The following KMT2D variants were observed in gnomAD, a reference collection of about 807,000 sequenced individuals.
The protein encoded by KMT2D is lysine methyltransferase 2D.
In KMT2D, 55 loss-of-function variants were observed where a neutral mutation model predicts 512.7. The ratio of observed to expected loss-of-function variants is 0.11; its 90% CI spans 0.09 to 0.13. The LOEUF is 0.13. Among genes scored for constraint, KMT2D ranks in the 10% least tolerant of loss-of-function variants. KMT2D has a pLI of 1.00. For missense variants in KMT2D, 6,061 were observed against 7,127.9 expected, an observed-to-expected ratio of 0.85 and a Z score of 5.39; for synonymous variants, 2,995 against 2,904.0, an observed-to-expected ratio of 1.03 and a Z score of -1.01.
rs1176093817 is a variant in KMT2D, at chr12:49,039,880, A to G, written c.7890T>C (p.His2630=). ...APDGSLPYLS[H]GASQRSGITS... Reference sequence around the variant, plus strand: ...TGATGCCTGATCGCTGTGAGGCTCCATGGGACAGGTAGGGGAGGGATCCGT... The same window carrying G: ...TGATGCCTGATCGCTGTGAGGCTCCGTGGGACAGGTAGGGGAGGGATCCGT... Residue 2630 remains histidine (H), a synonymous_variant, in exon 32 of 55, where the codon CAT becomes CAC. Coordinates refer to ENST00000301067, the MANE Select transcript of KMT2D (RefSeq NM_003482.4). The surrounding 1 kb of genome is among the most constrained non-coding windows in gnomAD (Gnocchi z 5.0). 6.2e-7 allele frequency: 1 copy of G among 1,614,026 alleles called. No homozygotes were observed. The highest frequency in any genetic ancestry group is 2.2e-5 in the East Asian group (1 of 44,876).
rs759550213 is a variant in KMT2D, at chr12:49,038,444, G to A, written c.8912C>T (p.Thr2971Ile). 1 of 1,610,996 alleles carries A rather than the reference G, an allele frequency of 6.2e-7. No homozygotes were observed. Among genetic ancestry groups the A allele is most frequent in the Non-Finnish European group, 8.5e-7 (1 of 1,177,726 alleles). Reference sequence around the variant, plus strand: ...CAGAGGATTGGGGCGGCCAAGCTCAGTGCTCGACGGGGGCCGGTTGACCAG... The same window carrying A: ...CAGAGGATTGGGGCGGCCAAGCTCAATGCTCGACGGGGGCCGGTTGACCAG... ...LELVNRPPSS[T>I]ELGRPNPLAL... Residue 2971 changes from threonine to isoleucine, a missense_variant, in exon 35 of 55, where the codon ACT becomes ATT. Physicochemically the swap from Thr to Ile is moderately conservative, Grantham distance 89 (BLOSUM62 -1). Around this residue, in one of 16 missense-constraint regions of KMT2D, gnomAD observed 527 missense variants for 578.9 expected, o/e 0.91. Coordinates refer to ENST00000301067, the MANE Select transcript of KMT2D (RefSeq NM_003482.4). This position sits in a 1 kb window ranked among gnomAD's most constrained non-coding sequence, Gnocchi z 5.7.
rs746758232 is a variant in KMT2D at position 49,052,893 on chromosome 12, TCA to T, written c.1112+20_1112+21del. On this transcript the variant is annotated intron_variant, in intron 9 of 54. Transcript: ENST00000301067. ...GTTCTTCCAACCTGCCAGCCCAATC[TCA>T]GTCAGTCCCCACCACTTACCTGCTA... 1.4e-4 allele frequency: 224 copies of T among 1,612,192 alleles called. No homozygotes were observed. The highest frequency in any genetic ancestry group is 1.8e-4 in the Non-Finnish European group (212 of 1,178,458).
rs945302140 is a variant in KMT2D, at chr12:49,044,459, G to A, written c.5027C>T (p.Pro1676Leu). ...LEGPVSPDVEPGKEETEESKK... is the reference protein window; with the variant it reads ...LEGPVSPDVELGKEETEESKK... ...GCTTTCCTCGGTCTCCTCTTTGCCAGGCTCCACATCAGGGCTGACGGGGCC... is the reference window on the plus strand; with the variant it reads ...GCTTTCCTCGGTCTCCTCTTTGCCAAGCTCCACATCAGGGCTGACGGGGCC... Residue 1676 changes from proline to leucine, a missense_variant, in exon 21 of 55, where the codon CCT becomes CTT. This residue lies in a region of KMT2D where 640 missense variants were observed against 814.3 expected (regional missense o/e 0.79). Transcript: ENST00000301067. This position sits in a 1 kb window ranked among gnomAD's most constrained non-coding sequence, Gnocchi z 6.4. The A allele has an allele frequency of 6.2e-7, 1 of 1,613,960 alleles. No homozygotes were observed. The highest frequency in any genetic ancestry group is 8.5e-7 in the Non-Finnish European group (1 of 1,179,900).
chr12:49,034,875 G>C lies in KMT2D; in HGVS notation c.10292C>G (p.Ala3431Gly). The C allele has an allele frequency of 6.2e-7, 1 of 1,614,024 alleles. No homozygotes were observed. Among genetic ancestry groups the C allele is most frequent in the Non-Finnish European group, 8.5e-7 (1 of 1,179,910 alleles). Residue 3431 changes from alanine (A) to glycine (G), a missense_variant, in exon 36 of 55, where the codon GCT becomes GGT. This residue lies in a region of KMT2D where 533 missense variants were observed against 539.6 expected (regional missense o/e 0.99). Coordinates refer to ENST00000301067, the MANE Select transcript of KMT2D (RefSeq NM_003482.4). ...IDPIAKAKMV[A>G]LKGIKKVMAQ... ...CATCACTTTCTTGATGCCTTTCAAA[G>C]CCACCATCTTGGCCTTTGCAATGGG...
rs887518261 is a variant in KMT2D at position 49,052,245 on chromosome 12, G to C, written c.1438C>G (p.Pro480Ala). Residue 480 changes from proline (P) to alanine (A), a missense_variant, in exon 11 of 55, where the codon CCT becomes GCT. Coordinates refer to ENST00000301067, the MANE Select transcript of KMT2D (RefSeq NM_003482.4). ...GGCCGGGACAGGTGCAATGCCTCAGGAAGTGGGGATGCGGGCAATTCCTCA... is the reference window on the plus strand; with the variant it reads ...GGCCGGGACAGGTGCAATGCCTCAGCAAGTGGGGATGCGGGCAATTCCTCA... ...PPEELPASPL[P>A]EALHLSRPLE... 2.5e-6 allele frequency: 4 copies of C among 1,612,092 alleles called. No homozygotes were observed. The African/African-American group carries it at 4.0e-5, about 16-fold the overall frequency.
rs1186385716 is a variant in KMT2D at position 49,044,836 on chromosome 12, G to A, written c.4871C>T (p.Ala1624Val). The change falls in exon 20 of 55, where the codon GCA becomes GTA. Residue 1624 changes from alanine (A) to valine (V), a missense_variant. Transcript: ENST00000301067. This position sits in a 1 kb window ranked among gnomAD's most constrained non-coding sequence, Gnocchi z 6.4. ...TGAGGGCTCAGAACCCTCCAATCCT[G>A]CCTCGCCTGGGAGGCCAAGCCGTCC... ...RRGRLGLPGE[A>V]GLEGSEPSDA... 6.2e-7 allele frequency: 1 copy of A among 1,614,058 alleles called. No individual in the cohort carries two copies. The highest frequency in any genetic ancestry group is 8.5e-7 in the Non-Finnish European group (1 of 1,179,910).
rs765227366 is a variant in KMT2D at position 49,038,010 on chromosome 12, G to C, written c.9346C>G (p.Pro3116Ala). 1 of 1,606,772 alleles carries C rather than the reference G, an allele frequency of 6.2e-7. No individual in the cohort carries two copies. Among genetic ancestry groups the C allele is most frequent in the Non-Finnish European group, 8.5e-7 (1 of 1,176,840 alleles). The change falls in exon 35 of 55, where the codon CCT (proline) becomes GCT (alanine). Residue 3116 changes from proline to alanine, a missense_variant. Coordinates refer to ENST00000301067, the MANE Select transcript of KMT2D (RefSeq NM_003482.4). This position sits in a 1 kb window ranked among gnomAD's most constrained non-coding sequence, Gnocchi z 5.7. ...TCCTCCACCTTGGGCTTCACCTCAG[G>C]GAGCACAGATGCCAGGCGGGGTTCA... Reference protein sequence around the residue: ...ASEPRLASVLPEVKPKVEEGG... With the variant: ...ASEPRLASVLAEVKPKVEEGG...
intron 1 of KMT2D, among the ~76,000 whole-genome samples, chr12:49,056,344 G>A (rs956773993): frequency 1.1e-4 from 16 of 152,108 alleles, no homozygotes; most frequent in African/African-American, 1.9e-4. Context: ...TAAGAAATGC[G>A]TGCCTGTATC....
At position 49,038,828 on chromosome 12, in the gene KMT2D, G is replaced by T. The variant is rs1278507670; in HGVS notation, c.8528C>A (p.Pro2843His). The T allele has an allele frequency of 6.4e-7, 1 of 1,560,518 alleles. No homozygotes were observed. Among genetic ancestry groups the T allele is most frequent in the Non-Finnish European group, 8.7e-7 (1 of 1,151,924 alleles). ...MSARFPSTPG[P>H]ELGRQALGSP... ...ACCTAGGGCTTGGCGGCCAAGTTCA[G>T]GTCCAGGAGTTGATGGAAAGCGAGC... The change falls in exon 35 of 55, where the codon CCT becomes CAT. Residue 2843 changes from proline (P) to histidine (H), a missense_variant. Pro to His is a moderately conservative substitution (Grantham distance 77, BLOSUM62 -2). This residue lies in a region of KMT2D where 527 missense variants were observed against 578.9 expected (regional missense o/e 0.91). Coordinates refer to ENST00000301067, the MANE Select transcript of KMT2D (RefSeq NM_003482.4). The surrounding 1 kb of genome is among the most constrained non-coding windows in gnomAD (Gnocchi z 5.7).
chr12:49,059,306 C>T (rs923851145), intron 1 of KMT2D, among the ~76,000 whole-genome samples: 4 of 152,048 alleles, frequency 2.6e-5, no homozygotes, highest in African/African-American at 9.7e-5. Context: ...CATCAGGGCC[C>T]GGGTCCTAGT....
rs2120520740 is a variant in KMT2D, at chr12:49,039,997, G to T, written c.7773C>A (p.Gly2591=). 6.2e-7 allele frequency: 1 copy of T among 1,613,740 alleles called. No homozygotes were observed. The highest frequency in any genetic ancestry group is 1.3e-5 in the African/African-American group (1 of 75,064). The change falls in exon 32 of 55, where the codon GGC becomes GGA. Residue 2591 remains glycine (G), a synonymous_variant. Coordinates refer to ENST00000301067, the MANE Select transcript of KMT2D (RefSeq NM_003482.4). This position sits in a 1 kb window ranked among gnomAD's most constrained non-coding sequence, Gnocchi z 5.0. ...TVATGNFHPS[G]SPLGPSSGST... ...ACCCGCTGCTGGGCCCCAGGGGGCT[G>T]CCCGATGGGTGGAAGTTCCCTGTGG...
chr12:49,034,752 C>G (rs1943133916), intron 36 of KMT2D, 60 bp downstream of exon 36: 1 of 1,606,578 alleles, frequency 6.2e-7, no homozygotes, highest in South Asian at 1.1e-5. Flanking sequence ...GGGAGGGGAG[C>G]CAAGAAGGGG....
rs778246431 is a variant in KMT2D at position 49,030,422 on chromosome 12, C to T, written c.13857G>A (p.Pro4619=). 7 of 1,454,544 alleles carry T rather than the reference C, an allele frequency of 4.8e-6. No homozygotes were observed. Among genetic ancestry groups the T allele is most frequent in the Admixed American group, 2.2e-5 (1 of 45,608 alleles). The allele number at this position is 1,454,544 out of a possible 1,614,324, so 90.1% of individuals were successfully genotyped here. The change falls in exon 43 of 55, where the codon CCG becomes CCA. Residue 4619 remains proline (P), a synonymous_variant. Transcript: ENST00000301067. ...QLLTKNNLSN[P]PTPPSSLPPT... Reference sequence around the variant, plus strand: ...GGGGCAGCGACGAGGGTGGTGTCGGCGGGTTACTCAGGTTATTCTGAGGGG... The same window carrying T: ...GGGGCAGCGACGAGGGTGGTGTCGGTGGGTTACTCAGGTTATTCTGAGGGG...
Position 49,046,131 on chromosome 12 carries a change from C to A in KMT2D, c.4627G>T (p.Val1543Leu), listed in dbSNP as rs2120601105. 1 of 1,610,940 alleles carries A rather than the reference C, an allele frequency of 6.2e-7. No individual in the cohort carries two copies. Among genetic ancestry groups the A allele is most frequent in the Non-Finnish European group, 8.5e-7 (1 of 1,178,528 alleles). The change falls in exon 18 of 55, where the codon GTG (valine) becomes TTG (leucine). Residue 1543 changes from valine to leucine, a missense_variant. Physicochemically the swap from Val to Leu is conservative, Grantham distance 32. Coordinates refer to ENST00000301067, the MANE Select transcript of KMT2D (RefSeq NM_003482.4). This position sits in a 1 kb window ranked among gnomAD's most constrained non-coding sequence, Gnocchi z 4.2. ...GCESLFTEDD[V>L]EQAADEGFDC... ...AAGCCTTCATCGGCTGCCTGCTCCA[C>A]ATCGTCCTCTGTGAAGAGGCTCTCA... is the stretch of plus-strand genomic sequence containing the variant.
rs1052020049 is a variant in KMT2D, at chr12:49,024,500, T to C, written c.16052+78A>G. 4.0e-6 allele frequency: 6 copies of C among 1,516,564 alleles called. No homozygotes were observed. The African/African-American group carries it at 8.4e-5, about 21-fold the overall frequency. The allele number at this position is 1,516,564 out of a possible 1,614,324, so 93.9% of individuals were successfully genotyped here. A position where few individuals can be genotyped will look rare whatever the true frequency, so the allele number is the denominator to read the frequency against. On this transcript the variant is annotated intron_variant, in intron 51 of 54. Coordinates refer to ENST00000301067, the MANE Select transcript of KMT2D (RefSeq NM_003482.4). The surrounding 1 kb of genome is among the most constrained non-coding windows in gnomAD (Gnocchi z 4.5). Reference sequence around the variant, plus strand: ...TCCACGGGAACTCTGATCTGTATCCTAAATCCTCATAATGGGACCAGAGGA... The same window carrying C: ...TCCACGGGAACTCTGATCTGTATCCCAAATCCTCATAATGGGACCAGAGGA...
At position 49,052,903 on chromosome 12, in the gene KMT2D, C is replaced by G; in HGVS notation, c.1112+12G>C. 1 of 1,613,732 alleles carries G rather than the reference C, an allele frequency of 6.2e-7. No homozygotes were observed. Among genetic ancestry groups the G allele is most frequent in the Non-Finnish European group, 8.5e-7 (1 of 1,179,704 alleles). ...CCTGCCAGCCCAATCTCAGTCAGTC[C>G]CCACCACTTACCTGCTACACACCGG... On this transcript the variant is annotated intron_variant, in intron 9 of 54. Coordinates refer to ENST00000301067, the MANE Select transcript of KMT2D (RefSeq NM_003482.4).
chr12:49,040,666 G>A lies in KMT2D; in HGVS notation c.7104C>T (p.Ile2368=), dbSNP rs2120532327. 6.2e-7 allele frequency: 1 copy of A among 1,613,836 alleles called. No individual in the cohort carries two copies. Among genetic ancestry groups the A allele is most frequent in the East Asian group, 2.2e-5 (1 of 44,862 alleles). ...LAPSPPSHPD[I]FRPGSYTDPY... is the part of the protein sequence containing the mutation. Reference sequence around the variant, plus strand: ...GGTCAGTGTAGGAGCCAGGGCGAAAGATGTCTGGGTGACTTGGAGGAGAAG... The same window carrying A: ...GGTCAGTGTAGGAGCCAGGGCGAAAAATGTCTGGGTGACTTGGAGGAGAAG... The change falls in exon 32 of 55, where the codon ATC becomes ATT. Residue 2368 remains isoleucine, a synonymous_variant. Coordinates refer to ENST00000301067, the MANE Select transcript of KMT2D (RefSeq NM_003482.4).
In KMT2D at chr12:49,040,247, G is replaced by A. The variant is rs2120525057; in HGVS notation, c.7523C>T (p.Ala2508Val). ...GGGGGGCTGCCCACTTGGGACCTTG[G>A]CATGGAGCTCACCTGCTGGCCCCGC... ...LPAGPAGELH[A>V]KVPSGQPPNF... The change falls in exon 32 of 55, where the codon GCC becomes GTC. Residue 2508 changes from alanine (A) to valine (V), a missense_variant. Around this residue, in one of 16 missense-constraint regions of KMT2D, gnomAD observed 710 missense variants for 647.3 expected, o/e 1.10. Transcript: ENST00000301067. 6.2e-7 allele frequency: 1 copy of A among 1,612,820 alleles called. No individual in the cohort carries two copies. The highest frequency in any genetic ancestry group is 8.5e-7 in the Non-Finnish European group (1 of 1,179,448).
In KMT2D at chr12:49,029,482, G is replaced by A. The variant is rs1231938161; in HGVS notation, c.14000-6C>T. On this transcript the variant is annotated splice_region_variant and splice_polypyrimidine_tract_variant and intron_variant, in intron 43 of 54. Transcript: ENST00000301067. ...ACTCTTCACCTCTGAAGTATCTGAG[G>A]GGTGGGTAGGGAGAAGAAAAGTCAG... 4 of 1,552,726 alleles carry A rather than the reference G, an allele frequency of 2.6e-6. No homozygotes were observed. The highest frequency in any genetic ancestry group is 2.6e-6 in the Non-Finnish European group (3 of 1,147,310).
Sources: allele counts gnomAD v4.1 joint callset (sites outside exome capture counted in the v4.1 genomes callset), GRCh38; gene constraint gnomAD v4.1.1; regional missense constraint gnomAD v4.1.1; non-coding constraint Gnocchi (gnomAD v3.1); transcripts MANE v1.5; gene names NCBI Gene and HGNC (gene_info 2026-07-23, HGNC 2026-07-21).